The following CSMD1 variants were observed in gnomAD, a reference collection of about 807,000 sequenced individuals.
CSMD1 encodes the protein CUB and Sushi multiple domains 1, also known as CUB and sushi domain-containing protein 1.
CSMD1 carries 213 observed loss-of-function variants against 417.5 expected under a neutral mutation model. The ratio of observed to expected loss-of-function variants is 0.51; its 90% CI spans 0.46 to 0.57. The LOEUF (loss-of-function observed/expected upper bound fraction) is 0.57. Ranked by LOEUF, CSMD1 falls within the 20% of genes least tolerant of loss-of-function variation. The pLI is 0.00. For missense variants in CSMD1, 6,923 were observed against 4,529.7 expected (o/e 1.53, Z -15.17); for synonymous variants, 2,862 against 1,736.8 (o/e 1.65, Z -16.11).
At chr8:4,844,279 G>A (rs1801008801) in intron 1 of CSMD1, among the ~76,000 whole-genome samples, 1 of 152,078 alleles carries the variant, frequency 6.6e-6, no homozygotes, top group Admixed American at 6.5e-5. Context: ...CGGTGTTTTT[G>A]TTTACCTAAA....
intron 39 of CSMD1, among the ~76,000 whole-genome samples, chr8:3,153,931 A>T (rs554644548): frequency 6.6e-6 from 1 of 152,134 alleles, no homozygotes; most frequent in African/African-American, 2.4e-5. Context: ...AAGCGTAAAA[A>T]CAGAGCTCCC....
At chr8:3,443,239 G>C (rs1301557851) in intron 12 of CSMD1, among the ~76,000 whole-genome samples, 2 of 152,126 alleles carry the variant, frequency 1.3e-5, no homozygotes, top group East Asian at 1.9e-4. Flanking sequence ...GCAAAGAACT[G>C]GAAAGAGCTC....
At chr8:3,013,592 A>T (rs1423775759) in intron 52 of CSMD1, among the ~76,000 whole-genome samples, 1 of 151,964 alleles carries the variant, frequency 6.6e-6, no homozygotes, top group Non-Finnish European at 1.5e-5. Flanking sequence ...CTCCACTAAA[A>T]ATGCAAAAAA....
At chr8:3,987,757 C>G (rs1459054987) in intron 5 of CSMD1, among the ~76,000 whole-genome samples, 2 of 152,182 alleles carry the variant, frequency 1.3e-5, no homozygotes, top group Non-Finnish European at 2.9e-5. Flanking sequence ...TAAATATTGA[C>G]AGGACTCAGG....
At chr8:3,232,299 G>A (rs929345859) in intron 26 of CSMD1, among the ~76,000 whole-genome samples, 7 of 152,136 alleles carry the variant, frequency 4.6e-5, no homozygotes, top group Non-Finnish European at 8.8e-5. Flanking sequence ...CAAGTTCTGT[G>A]ACTCTCTCTG....
intron 2 of CSMD1, among the ~76,000 whole-genome samples, chr8:4,468,947 T>A (rs1248559927): frequency 8.0e-6 from 1 of 125,084 alleles, no homozygotes; most frequent in Non-Finnish European, 1.9e-5. Context: ...TTTGACTCCT[T>A]ACAGACCTTC....
chr8:4,517,356 A>G (rs528067915), intron 2 of CSMD1, among the ~76,000 whole-genome samples: 3 of 152,200 alleles, frequency 2.0e-5, no homozygotes, highest in South Asian at 4.1e-4. Flanking sequence ...ATTTGCTGTC[A>G]GTGCAGTCAT....
chr8:3,765,469 C>G (rs548108924), intron 5 of CSMD1, among the ~76,000 whole-genome samples: 1 of 152,330 alleles, frequency 6.6e-6, no homozygotes, highest in South Asian at 2.1e-4. Flanking sequence ...GTGTAGAGGT[C>G]TACCTCACCT....
intron 12 of CSMD1, among the ~76,000 whole-genome samples, chr8:3,413,535 T>G (rs1230463145): frequency 6.6e-6 from 1 of 152,222 alleles, no homozygotes; most frequent in Non-Finnish European, 1.5e-5. Context: ...AGTAGGTTTG[T>G]GTGTTTCACC....
At chr8:4,983,641 A>G (rs138146819) in intron 1 of CSMD1, among the ~76,000 whole-genome samples, 102 of 151,932 alleles carry the variant, frequency 6.7e-4, no homozygotes, top group African/African-American at 2.4e-3. Flanking sequence ...TCCTGCCTCA[A>G]CCTCCCATGT....
intron 3 of CSMD1, among the ~76,000 whole-genome samples, chr8:4,320,074 C>G (rs1170659498): frequency 6.6e-6 from 1 of 152,088 alleles, no homozygotes; most frequent in Non-Finnish European, 1.5e-5. Flanking sequence ...GTTGGTTTTA[C>G]CCAACAAACA....
intron 11 of CSMD1, among the ~76,000 whole-genome samples, chr8:3,481,832 C>G (rs1187838211): frequency 6.6e-6 from 1 of 152,194 alleles, no homozygotes; most frequent in Non-Finnish European, 1.5e-5. Context: ...GATTACAGCT[C>G]TGCCCACATG....
chr8:3,293,475 G>T (rs1378533679), intron 25 of CSMD1, among the ~76,000 whole-genome samples: 3 of 152,214 alleles, frequency 2.0e-5, no homozygotes, highest in African/African-American at 7.2e-5. Context: ...ATCAGACGTA[G>T]ATTCGGTCTT....
chr8:4,044,298 T>G (rs1798037997), intron 3 of CSMD1, among the ~76,000 whole-genome samples: 1 of 152,166 alleles, frequency 6.6e-6, no homozygotes, highest in African/African-American at 2.4e-5. Context: ...AACAGAGAAA[T>G]CATCTCTGAA....
intron 12 of CSMD1, among the ~76,000 whole-genome samples, chr8:3,440,798 T>C (rs983890976): frequency 6.6e-6 from 1 of 152,212 alleles, no homozygotes; most frequent in African/African-American, 2.4e-5. Flanking sequence ...TGTTGTTTTG[T>C]AAGTGCTCTT....
chr8:4,557,042 A>G (rs569202151), intron 2 of CSMD1, among the ~76,000 whole-genome samples: 13 of 152,338 alleles, frequency 8.5e-5, no homozygotes, highest in Non-Finnish European at 1.6e-4. Flanking sequence ...ATTTTTATAA[A>G]GGATTTTTTA....
At chr8:3,885,317 G>A (rs1309388878) in intron 5 of CSMD1, among the ~76,000 whole-genome samples, 2 of 152,092 alleles carry the variant, frequency 1.3e-5, no homozygotes, top group Non-Finnish European at 2.9e-5. Context: ...GGGTTTGTCA[G>A]TATTTATTGG....
intron 5 of CSMD1, among the ~76,000 whole-genome samples, chr8:3,961,264 T>C (rs1192735505): frequency 2.6e-5 from 4 of 152,290 alleles, no homozygotes; most frequent in South Asian, 2.1e-4. Flanking sequence ...TTCTGAGTTA[T>C]AAGCATAAAA....
chr8:4,824,268 G>A (rs889075210), intron 1 of CSMD1, among the ~76,000 whole-genome samples: 1 of 152,004 alleles, frequency 6.6e-6, no homozygotes, highest in Non-Finnish European at 1.5e-5. Context: ...GAAAATACAT[G>A]AAATACACAA....
Sources: gnomAD v4.1 joint callset for allele counts (sites outside exome capture counted in the v4.1 genomes callset) on GRCh38, gnomAD v4.1.1 for gene constraint, MANE v1.5 for transcripts, NCBI Gene and HGNC (gene_info 2026-07-23, HGNC 2026-07-21) for gene names.